CNTN6: variants seen among roughly 807,000 people sequenced by gnomAD.
CNTN6 encodes contactin-6.
In CNTN6, 137 loss-of-function variants were observed where a neutral mutation model predicts 122.8. That is an observed-to-expected ratio of 1.12 (90% CI 0.97 to 1.29). CNTN6 has a LOEUF of 1.29. Among genes scored for constraint, CNTN6 ranks in the 50% most tolerant of loss-of-function variants. The pLI is 0.00. For synonymous variants in CNTN6, 570 were observed against 426.0 expected (o/e 1.34, Z -4.16); for missense variants, 1,634 against 1,223.4 (o/e 1.34, Z -5.01).
chr3:1,220,877 A>C (rs868827073), intron 3 of CNTN6, 64 bp downstream of exon 3: 11 of 1,488,772 alleles, frequency 7.4e-6, no homozygotes, highest in Middle Eastern at 1.8e-4. Flanking sequence ...AACATACACA[A>C]AATAAAGTGT....
intron 1 of CNTN6, among the ~76,000 whole-genome samples, chr3:1,116,866 G>C (rs1392051694): frequency 6.6e-6 from 1 of 152,028 alleles, no homozygotes; most frequent in East Asian, 1.9e-4. Flanking sequence ...CACCACGCAT[G>C]GCTAATTTTT....
intron 10 of CNTN6, among the ~76,000 whole-genome samples, chr3:1,328,726 A>C (rs17497424): frequency 0.011 from 1,624 of 151,860 alleles, 14 homozygotes; most frequent in Non-Finnish European, 0.016. Context: ...GTAGAGAAGC[A>C]ACATCTGAAA....
intron 2 of CNTN6, among the ~76,000 whole-genome samples, chr3:1,219,323 A>G (rs1393862437): frequency 6.6e-6 from 1 of 152,236 alleles, no homozygotes; most frequent in African/African-American, 2.4e-5. Context: ...TAAAGAGCAC[A>G]GCATCCTGAA....
chr3:1,110,686 GAAAAAA>G (rs966577789), intron 1 of CNTN6, among the ~76,000 whole-genome samples: 1 of 148,872 alleles, frequency 6.7e-6, no homozygotes, highest in Admixed American at 6.7e-5. Flanking sequence ...TCAGTACTTT[GAAAAAA>G]AAAATATGAG....
intron 10 of CNTN6, among the ~76,000 whole-genome samples, chr3:1,329,300 G>C (rs368181798): frequency 2.6e-5 from 4 of 151,494 alleles, no homozygotes; most frequent in African/African-American, 9.7e-5. Flanking sequence ...TGACATGTAT[G>C]ATCATTGTTT....
At chr3:1,310,075 T>G (rs13314920) in intron 7 of CNTN6, among the ~76,000 whole-genome samples, 5,326 of 151,106 alleles carry the variant, frequency 0.035, 338 homozygotes, top group African/African-American at 0.12. Context: ...GGAACAAGTA[T>G]TATTTCCTTC....
intron 12 of CNTN6, among the ~76,000 whole-genome samples, chr3:1,357,849 TA>T (rs1288769989): frequency 7.0e-6 from 1 of 142,010 alleles, no homozygotes; most frequent in East Asian, 2.0e-4. Flanking sequence ...AAATTTTACA[TA>T]AATGCACATT....
At position 1,303,893 on chromosome 3, in the gene CNTN6, C is replaced by A. The variant is rs1697873704; in HGVS notation, c.761+5902C>A. 1.3e-5 allele frequency among the ~76,000 whole-genome samples: 2 copies of A among 152,158 alleles called. 1 individual carries two copies. The highest frequency in any genetic ancestry group is 4.1e-4 in the South Asian group (2 of 4,824). ...TTTACTACTAAAATGAAATCCCCAA[C>A]TGAATGCTTCAAATGTTCACCAAGT... On this transcript the variant is annotated intron_variant, in intron 7 of 22. Coordinates refer to ENST00000446702, the MANE Select transcript of CNTN6 (RefSeq NM_001289080.2).
intron 5 of CNTN6, among the ~76,000 whole-genome samples, chr3:1,287,264 C>A (rs1575562873): frequency 6.6e-6 from 1 of 152,126 alleles, no homozygotes; most frequent in East Asian, 1.9e-4. Flanking sequence ...AACTGCTCTG[C>A]ACGTTGTTAA....
intron 7 of CNTN6, among the ~76,000 whole-genome samples, chr3:1,315,643 A>G (rs1304191327): frequency 6.6e-6 from 1 of 151,966 alleles, no homozygotes; most frequent in Non-Finnish European, 1.5e-5. Context: ...TTCCTATACC[A>G]TTTCCTTCAG....
intron 8 of CNTN6, among the ~76,000 whole-genome samples, chr3:1,324,140 A>G (rs1701225857): frequency 6.7e-6 from 1 of 149,566 alleles, no homozygotes; most frequent in African/African-American, 2.5e-5. Context: ...TCAAGGCTGC[A>G]GGAAGCACAT....
intron 2 of CNTN6, among the ~76,000 whole-genome samples, chr3:1,202,054 T>C (rs2093880217): frequency 6.6e-6 from 1 of 152,224 alleles, no homozygotes; most frequent in South Asian, 2.1e-4. Context: ...AACCTTAATC[T>C]TTAAAAAATG....
At chr3:1,354,375 A>C (rs1054506227) in intron 12 of CNTN6, among the ~76,000 whole-genome samples, 1 of 151,288 alleles carries the variant, frequency 6.6e-6, no homozygotes, top group African/African-American at 2.4e-5. Flanking sequence ...TAACAAAAAA[A>C]AAAAAAAAAG....
At chr3:1,158,704 C>A (rs72999829) in intron 2 of CNTN6, among the ~76,000 whole-genome samples, 1 of 148,620 alleles carries the variant, frequency 6.7e-6, no homozygotes, top group Non-Finnish European at 1.5e-5. Context: ...TCCTGACTAG[C>A]TGAAACTACA....
intron 2 of CNTN6, among the ~76,000 whole-genome samples, chr3:1,164,107 ATGTAAGTTTG>A (rs2093194360): frequency 2.0e-5 from 3 of 152,186 alleles, no homozygotes; most frequent in African/African-American, 7.2e-5. Context: ...TGAAAGCTGC[ATGTAAGTTTG>A]TCTGGTGAGA....
chr3:1,364,894 T>A (rs958217599), intron 12 of CNTN6, among the ~76,000 whole-genome samples: 1 of 151,948 alleles, frequency 6.6e-6, no homozygotes, highest in South Asian at 2.1e-4. Context: ...TAATAACTTT[T>A]AGCTCACTGA....
Position 1,241,375 on chromosome 3 carries a change from T to C in CNTN6, c.358+13382T>C, listed in dbSNP as rs550118569. Among the ~76,000 whole-genome samples, 470 of 152,000 alleles carry C rather than the reference T, an allele frequency of 3.1e-3. 9 individuals carry two copies. Among genetic ancestry groups the C allele is most frequent in the African/African-American group, 0.01 (421 of 41,358 alleles). ...CTGCTTCAAGCGGGATTAGGGGCAG[T>C]GTGGGAACCTAGAGTGGGAGAGACT... On this transcript the variant is annotated intron_variant, in intron 4 of 22. Coordinates refer to ENST00000446702, the MANE Select transcript of CNTN6 (RefSeq NM_001289080.2).
intron 13 of CNTN6, 25 bp downstream of exon 13, chr3:1,372,499 C>A: frequency 1.3e-6 from 2 of 1,558,860 alleles, no homozygotes; most frequent in Non-Finnish European, 8.7e-7. Context: ...TTGTTAAGTG[C>A]TTAATAAAAT....
chr3:1,176,898 G>C (rs1366474420), intron 2 of CNTN6, among the ~76,000 whole-genome samples: 1 of 152,100 alleles, frequency 6.6e-6, no homozygotes, highest in Non-Finnish European at 1.5e-5. Context: ...ATTACAAGCA[G>C]AGTAAAAGGC....
Sources: gnomAD v4.1 joint callset for allele counts (sites outside exome capture counted in the v4.1 genomes callset) on GRCh38, gnomAD v4.1.1 for gene constraint, MANE v1.5 for transcripts, NCBI Gene and HGNC (gene_info 2026-07-23, HGNC 2026-07-21) for gene names.